The following PPM1J variants were observed in gnomAD, a reference collection of about 807,000 sequenced individuals.
PPM1J encodes the protein protein phosphatase, Mg2+/Mn2+ dependent 1J.
PPM1J carries 43 observed loss-of-function variants against 53.3 expected under a neutral mutation model. That is an observed-to-expected ratio of 0.81 (90% CI 0.63 to 1.04). PPM1J has a LOEUF of 1.04. Among genes scored for constraint, PPM1J ranks in the 50% least tolerant of loss-of-function variants. PPM1J has a pLI of 0.00. For missense variants in PPM1J, 635 were observed against 685.9 expected, an observed-to-expected ratio of 0.93 and a Z score of 0.83; for synonymous variants, 267 against 286.4, an observed-to-expected ratio of 0.93 and a Z score of 0.68.
chr1:112,710,101 G>A lies in PPM1J; in HGVS notation c.*62C>T. 1 of 1,494,186 alleles carries A rather than the reference G, an allele frequency of 6.7e-7. No homozygotes were observed. Among genetic ancestry groups the A allele is most frequent in the Non-Finnish European group, 8.9e-7 (1 of 1,124,320 alleles). 92.6% of individuals were successfully genotyped at this position (1,494,186 alleles called of 1,614,324 possible). The stretch of plus-strand genomic sequence containing the variant: ...AAGAAGGGTCAGGGAGACAACTTCA[G>A]AATTTGGGCTGTGAGAGGAGTAAGT... On this transcript the variant is annotated 3_prime_UTR_variant, in exon 10 of 10. Coordinates refer to ENST00000309276, the MANE Select transcript of PPM1J (RefSeq NM_005167.7).
intron 9 of PPM1J, 26 bp from the exon 10 acceptor site, chr1:112,710,336 A>G (rs745815125): frequency 1.2e-6 from 2 of 1,612,996 alleles, no homozygotes; most frequent in East Asian, 4.5e-5. Flanking sequence ...ATGCACATTC[A>G]TGTACCAACA....
At chr1:112,714,786 A>T (rs1675157617) in intron 1 of PPM1J, 190 bp downstream of exon 1, 3 of 1,265,724 alleles carry the variant, frequency 2.4e-6, no homozygotes, top group Admixed American at 4.2e-5. Context: ...AAGGTGACAC[A>T]GGCTGCCCCC....
Position 112,712,864 on chromosome 1 carries a change from C to A in PPM1J, c.609G>T (p.Gly203=), listed in dbSNP as rs771133932. The A allele has an allele frequency of 6.2e-7, 1 of 1,613,892 alleles. No homozygotes were observed. Among genetic ancestry groups the A allele is most frequent in the Non-Finnish European group, 8.5e-7 (1 of 1,179,996 alleles). ...PPPLCLPTTP[G]TPDSSDPSHL... ...GAGAGGGATCGGAGGAATCTGGGGT[C>A]CCCGGAGTGGTTGGGAGGCAGAGGG... Residue 203 remains glycine, a synonymous_variant, in exon 3 of 10, where the codon GGG becomes GGT. Transcript: ENST00000309276.
At chr1:112,711,158 G>C in intron 6 of PPM1J, 87 bp from the exon 7 acceptor site, 1 of 1,481,158 alleles carries the variant, frequency 6.8e-7, no homozygotes, top group Non-Finnish European at 9.4e-7. Context: ...AAACCCCTTA[G>C]AAGGGCCACA....
Position 112,712,885 on chromosome 1 carries a change from G to C in PPM1J, c.588C>G (p.Leu196=). The change falls in exon 3 of 10, where the codon CTC becomes CTG. Residue 196 remains leucine, a synonymous_variant. Transcript: ENST00000309276. The stretch of plus-strand genomic sequence containing the variant: ...GGGTCCCCGGAGTGGTTGGGAGGCA[G>C]AGGGGTGGTGGCGAAGGGTCCTGAA... The part of the protein sequence containing the change: ...EILQDPSPPP[L]CLPTTPGTPD... 1 of 1,614,078 alleles carries C rather than the reference G, an allele frequency of 6.2e-7. No individual in the cohort carries two copies. The highest frequency in any genetic ancestry group is 8.5e-7 in the Non-Finnish European group (1 of 1,180,036).
At chr1:112,714,583 G>A in intron 1 of PPM1J, 1 of 1,019,802 alleles carries the variant, frequency 9.8e-7, no homozygotes, top group Non-Finnish European at 1.2e-6. Context: ...CTTCCCAACC[G>A]CTATGTCCCC....
rs560610826 is a variant in PPM1J, at chr1:112,710,049, A to T, written c.*114T>A. The T allele has an allele frequency of 1.4e-6, 2 of 1,469,216 alleles. No homozygotes were observed. Among genetic ancestry groups the T allele is most frequent in the African/African-American group, 1.4e-5 (1 of 70,404 alleles). The allele number at this position is 1,469,216 out of a possible 1,614,324, so 91.0% of individuals were successfully genotyped here. On this transcript the variant is annotated 3_prime_UTR_variant, in exon 10 of 10. Coordinates refer to ENST00000309276, the MANE Select transcript of PPM1J (RefSeq NM_005167.7). ...AGCTGTAATTTTGGATATAGCGGACATCCCTTCTTCAGTTAAGTTGCCACT... is the reference window on the plus strand; with the variant it reads ...AGCTGTAATTTTGGATATAGCGGACTTCCCTTCTTCAGTTAAGTTGCCACT...
chr1:112,711,306 C>T lies in PPM1J; in HGVS notation c.1006G>A (p.Gly336Arg), dbSNP rs563433110. The T allele has an allele frequency of 2.2e-4, 354 of 1,608,012 alleles. 4 individuals carry two copies. In the South Asian group the frequency reaches 3.7e-3, roughly 17 times the overall value. ...TGGTCCCGGTACAACATCCTCTGCC[C>T]CAGCTCCTTGGGCAGAACTCTGCGG... ...FPRRVLPKEL[G>R]QRMLYRDQNM... Residue 336 changes from glycine to arginine, a missense_variant, in exon 6 of 10, where the codon GGG becomes AGG. By Grantham distance (125) the Gly-to-Arg change is moderately radical. Coordinates refer to ENST00000309276, the MANE Select transcript of PPM1J (RefSeq NM_005167.7).
chr1:112,713,468 G>A (rs1394166087), intron 2 of PPM1J, 29 bp downstream of exon 2: 1 of 1,504,916 alleles, frequency 6.6e-7, no homozygotes, highest in South Asian at 1.1e-5. Context: ...AGGTGTCACT[G>A]TGTCTCTGGG....
rs545989175 is a variant in PPM1J at position 112,710,440 on chromosome 1, C to T, written c.1370+20G>A. 38 of 1,613,272 alleles carry T rather than the reference C, an allele frequency of 2.4e-5. No homozygotes were observed. In the South Asian group the frequency reaches 4.2e-4, roughly 18 times the overall value. ...TTTCACCAATGCCATCCCCTTACCA[C>T]CATGCCATGCAGCCCCTACCTGCTG... On this transcript the variant is annotated intron_variant, in intron 9 of 9. Transcript: ENST00000309276.
In PPM1J at chr1:112,715,008, G is replaced by T. The variant is rs754052889; in HGVS notation, c.294C>A (p.Gly98=). The T allele has an allele frequency of 1.4e-6, 2 of 1,470,438 alleles. No homozygotes were observed. The highest frequency in any genetic ancestry group is 2.7e-5 in the South Asian group (2 of 74,796). 91.1% of individuals were successfully genotyped at this position (1,470,438 alleles called of 1,614,324 possible). ...GRAVQSPPDT[G]RRLPWSTGYA... is the part of the protein sequence containing the mutation. ...AGCCTGTGCTCCAGGGCAGGCGGCG[G>T]CCCGTGTCCGGGGGGCTTTGCACAG... The change falls in exon 1 of 10, where the codon GGC becomes GGA. Residue 98 remains glycine, a synonymous_variant. Transcript: ENST00000309276. This position sits in a 1 kb window ranked among gnomAD's most constrained non-coding sequence, Gnocchi z 4.4.
intron 4 of PPM1J, 38 bp downstream of exon 4, chr1:112,712,307 G>C: frequency 6.8e-7 from 1 of 1,461,596 alleles, no homozygotes; most frequent in Admixed American, 1.9e-5. Context: ...CAGAGAGTGT[G>C]GCCCTCTGTC....
chr1:112,711,627 C>T (rs1211046171), intron 5 of PPM1J, among the ~76,000 whole-genome samples: 1 of 152,218 alleles, frequency 6.6e-6, no homozygotes, highest in Non-Finnish European at 1.5e-5. Context: ...GCAAAGCACT[C>T]AGACCAGGAT....
In PPM1J at chr1:112,713,510, G is replaced by C. The variant is rs1333730985; in HGVS notation, c.428C>G (p.Pro143Arg). Reference sequence around the variant, plus strand: ...GATGGGTCTTACCTGGCCTCGGCTAGGCTCCCTAGGTACTCCTGTAACACT... The same window carrying C: ...GATGGGTCTTACCTGGCCTCGGCTACGCTCCCTAGGTACTCCTGTAACACT... ...RRSVTGVPRE[P>R]SRGQGLCFYY... The change falls in exon 2 of 10, where the codon CCT becomes CGT. Residue 143 changes from proline to arginine, a missense_variant. By Grantham distance (103) the Pro-to-Arg change is moderately radical (BLOSUM62 -2). Coordinates refer to ENST00000309276, the MANE Select transcript of PPM1J (RefSeq NM_005167.7). 1.2e-6 allele frequency: 2 copies of C among 1,612,862 alleles called. No homozygotes were observed. The highest frequency in any genetic ancestry group is 1.3e-5 in the African/African-American group (1 of 74,856).
chr1:112,711,892 A>G, intron 5 of PPM1J, 79 bp downstream of exon 5: 2 of 986,266 alleles, frequency 2.0e-6, no homozygotes, highest in Non-Finnish European at 1.5e-6. Flanking sequence ...TGGGGGTGTG[A>G]GAGTTCTCAG....
Position 112,710,092 on chromosome 1 carries a change from A to T in PPM1J, c.*71T>A, listed in dbSNP as rs1259207558. On this transcript the variant is annotated 3_prime_UTR_variant, in exon 10 of 10. Transcript: ENST00000309276. The stretch of plus-strand genomic sequence containing the variant: ...TTGCCACTAAAGAAGGGTCAGGGAG[A>T]CAACTTCAGAATTTGGGCTGTGAGA... 54 of 1,489,846 alleles carry T rather than the reference A, an allele frequency of 3.6e-5. No individual in the cohort carries two copies. Among genetic ancestry groups the T allele is most frequent in the Non-Finnish European group, 4.3e-5 (48 of 1,122,466 alleles). The allele number at this position is 1,489,846 out of a possible 1,614,324, so 92.3% of individuals were successfully genotyped here. A position where few individuals can be genotyped will look rare whatever the true frequency, so the allele number is the denominator to read the frequency against.
chr1:112,713,695 G>A, intron 1 of PPM1J, 84 bp from the exon 2 acceptor site: 1 of 1,105,922 alleles, frequency 9.0e-7, no homozygotes, highest in Non-Finnish European at 1.4e-6. Context: ...ACCGTCTCCT[G>A]CGCCCGCTGG....
At position 112,712,862 on chromosome 1, in the gene PPM1J, G is replaced by A. The variant is rs1354294454; in HGVS notation, c.611C>T (p.Thr204Ile). 1 of 1,613,904 alleles carries A rather than the reference G, an allele frequency of 6.2e-7. No homozygotes were observed. Among genetic ancestry groups the A allele is most frequent in the Non-Finnish European group, 8.5e-7 (1 of 1,179,996 alleles). Residue 204 changes from threonine (T) to isoleucine (I), a missense_variant, in exon 3 of 10, where the codon ACC (threonine) becomes ATC (isoleucine). Transcript: ENST00000309276. The stretch of plus-strand genomic sequence containing the variant: ...GTGAGAGGGATCGGAGGAATCTGGG[G>A]TCCCCGGAGTGGTTGGGAGGCAGAG... ...PPLCLPTTPG[T>I]PDSSDPSHLL...
intron 9 of PPM1J, 52 bp downstream of exon 9, chr1:112,710,408 A>G: frequency 6.2e-7 from 1 of 1,611,232 alleles, no homozygotes; most frequent in Non-Finnish European, 8.5e-7. Context: ...CTTCCCTTTG[A>G]CCCTTCTTTC....
Sources: allele counts gnomAD v4.1 joint callset (sites outside exome capture counted in the v4.1 genomes callset), GRCh38; gene constraint gnomAD v4.1.1; non-coding constraint Gnocchi (gnomAD v3.1); transcripts MANE v1.5; gene names NCBI Gene and HGNC (gene_info 2026-07-23, HGNC 2026-07-21).